Variants in GPHN observed in about 807,000 individuals in gnomAD.
GPHN encodes gephyrin.
A neutral mutation model predicts 95.5 loss-of-function variants in GPHN; 17 were observed. The ratio of observed to expected loss-of-function variants is 0.18; its 90% CI spans 0.12 to 0.27. The LOEUF (loss-of-function observed/expected upper bound fraction) is 0.27, where lower values mean the gene tolerates loss of function less well. Ranked by LOEUF, GPHN falls within the 10% of genes least tolerant of loss-of-function variation. The probability of loss-of-function intolerance (pLI) is 1.00; values close to 1 mark genes in which losing one functional copy is unlikely to be tolerated. For missense variants in GPHN, 660 were observed against 978.1 expected (o/e 0.67, Z 4.34); for synonymous variants, 320 against 322.5 (o/e 0.99, Z 0.08).
rs376557064 is a variant in GPHN at position 66,714,873 on chromosome 14, G to T, written c.143+33688G>T. On this transcript the variant is annotated intron_variant, in intron 2 of 22. Coordinates refer to ENST00000478722, the MANE Select transcript of GPHN (RefSeq NM_020806.5). ...GTTTTTGATAATGTTGTTGGATTTGGTTAGCTAGTATTTCGTTAGGGATTT... is the reference window on the plus strand; with the variant it reads ...GTTTTTGATAATGTTGTTGGATTTGTTTAGCTAGTATTTCGTTAGGGATTT... 4.6e-5 allele frequency among the ~76,000 whole-genome samples: 7 copies of T among 152,210 alleles called. No homozygotes were observed. In the East Asian group the frequency reaches 9.7e-4, roughly 21 times the overall value.
At chr14:67,347,429 T>C in the GPHN span, 2 of 1,608,464 alleles carry the variant, frequency 1.2e-6, no homozygotes, top group African/African-American at 1.3e-5. Flanking sequence ...TTCATGGTAA[T>C]GTTCAAATAC....
At chr14:67,570,001 G>A in the GPHN span, 1 of 1,594,764 alleles carries the variant, frequency 6.3e-7, no homozygotes, top group Non-Finnish European at 8.6e-7. Context: ...TGTCTACACA[G>A]CACTGAAGGG....
At chr14:66,817,395 T>A (rs1402146617) in intron 3 of GPHN, among the ~76,000 whole-genome samples, 3 of 152,174 alleles carry the variant, frequency 2.0e-5, no homozygotes, top group Admixed American at 6.5e-5. Context: ...ATTTTGAAGC[T>A]TTTTATAAAA....
chr14:67,354,970 T>C, the GPHN span, among the ~76,000 whole-genome samples: 1 of 152,060 alleles, frequency 6.6e-6, no homozygotes, highest in Non-Finnish European at 1.5e-5. Context: ...TGCGTCACCA[T>C]GCCTGGCTAA....
At chr14:67,345,268 AAGT>A in the GPHN span, among the ~76,000 whole-genome samples, 1 of 150,970 alleles carries the variant, frequency 6.6e-6, no homozygotes, top group South Asian at 2.1e-4. Context: ...TTTAAATTAA[AAGT>A]AGGGGCCAGG....
rs1194211233 is a variant in GPHN at position 67,022,559 on chromosome 14, T to G, written c.964-1074T>G. Among the ~76,000 whole-genome samples, 5 of 119,068 alleles carry G rather than the reference T, an allele frequency of 4.2e-5. 1 individual carries two copies. Among genetic ancestry groups the G allele is most frequent in the East Asian group, 5.4e-4 (2 of 3,672 alleles). The allele number at this position is 119,068 out of a possible 152,430, so 78.1% of individuals were successfully genotyped here. ...ATTTTTCCTTTTTTTTTTTTTTTTT[T>G]TTTTTTTTGGTGTGTGTGTGTGTGT... is the stretch of plus-strand genomic sequence containing the variant. On this transcript the variant is annotated intron_variant, in intron 9 of 22. Coordinates refer to ENST00000478722, the MANE Select transcript of GPHN (RefSeq NM_020806.5).
chr14:67,189,236 A>C, the GPHN span, among the ~76,000 whole-genome samples: 1 of 152,162 alleles, frequency 6.6e-6, no homozygotes, highest in Admixed American at 6.5e-5. Flanking sequence ...CCACCACCTG[A>C]ATGCCCACTC....
chr14:67,411,136 CAAAAA>C, the GPHN span, among the ~76,000 whole-genome samples: 2 of 52,064 alleles, frequency 3.8e-5, no homozygotes, highest in African/African-American at 1.4e-4. Flanking sequence ...GACCCTGTCT[CAAAAA>C]AAAAAAAAAA....
intron 1 of GPHN, among the ~76,000 whole-genome samples, chr14:66,539,529 C>T (rs952006606): frequency 4.6e-5 from 7 of 150,710 alleles, no homozygotes; most frequent in African/African-American, 1.5e-4. Context: ...ATTCTCCTGC[C>T]TCAGGTTCCT....
chr14:67,241,453 C>T, the GPHN span: 1 of 152,308 alleles, frequency 6.6e-6, no homozygotes, highest in East Asian at 1.9e-4. Flanking sequence ...TCCGGAATTT[C>T]AAGGGCCGCC....
chr14:67,138,277 T>G (rs1220622832), intron 17 of GPHN, among the ~76,000 whole-genome samples: 1 of 152,184 alleles, frequency 6.6e-6, no homozygotes, highest in Non-Finnish European at 1.5e-5. Flanking sequence ...AACATTAGTA[T>G]TGTCATTAAT....
At chr14:67,148,421 T>G (rs2081029472) in intron 18 of GPHN, among the ~76,000 whole-genome samples, 1 of 152,202 alleles carries the variant, frequency 6.6e-6, no homozygotes, top group Non-Finnish European at 1.5e-5. Flanking sequence ...TGTCCTTTAT[T>G]ATGCTCTTTT....
intron 8 of GPHN, among the ~76,000 whole-genome samples, chr14:66,961,900 G>GTGCA (rs1177915817): frequency 1.9e-5 from 1 of 52,958 alleles, no homozygotes; most frequent in African/African-American, 5.4e-5. Context: ...CCCTGAATGT[G>GTGCA]TATATATATA....
intron 1 of GPHN, among the ~76,000 whole-genome samples, chr14:66,519,899 G>C (rs1025646559): frequency 6.6e-6 from 1 of 152,124 alleles, no homozygotes; most frequent in South Asian, 2.1e-4. Context: ...AATTGTAGCA[G>C]AGAGAGATTA....
chr14:67,390,117 G>A, the GPHN span, among the ~76,000 whole-genome samples: 5 of 152,322 alleles, frequency 3.3e-5, no homozygotes, highest in Admixed American at 2.6e-4. Flanking sequence ...ACTGGAATTA[G>A]ATCCACTTAG....
At chr14:67,345,843 A>T in the GPHN span, 2 of 1,614,024 alleles carry the variant, frequency 1.2e-6, no homozygotes, top group Non-Finnish European at 1.7e-6. Flanking sequence ...ACTGTTCCCC[A>T]CCTCTGGCTA....
chr14:67,304,133 A>C, the GPHN span: 1 of 154,086 alleles, frequency 6.5e-6, no homozygotes, highest in East Asian at 1.9e-4. Context: ...TTTTATAGTT[A>C]TAGGTGGGTT....
At chr14:67,632,771 CTTTCTT>C in the GPHN span, among the ~76,000 whole-genome samples, 2 of 126,130 alleles carry the variant, frequency 1.6e-5, no homozygotes. Flanking sequence ...AGGGAGGTCT[CTTTCTT>C]TATTTTCAAC....
At chr14:66,924,432 G>C in intron 8 of GPHN, 140 bp downstream of exon 8, 1 of 691,244 alleles carries the variant, frequency 1.4e-6, no homozygotes, top group Admixed American at 2.0e-5. Flanking sequence ...GAAAGTGTGA[G>C]TGCCATTGAG....
Sources: allele counts gnomAD v4.1 joint callset (sites outside exome capture counted in the v4.1 genomes callset), GRCh38; gene constraint gnomAD v4.1.1; transcripts MANE v1.5; gene names NCBI Gene and HGNC (gene_info 2026-07-23, HGNC 2026-07-21).